ATG3: variants seen among roughly 807,000 people sequenced by gnomAD.
ATG3 encodes the protein ubiquitin-like-conjugating enzyme ATG3.
In ATG3, 25 loss-of-function variants were observed where a neutral mutation model predicts 50.7. That is an observed-to-expected ratio of 0.49 (90% CI 0.36 to 0.69). The LOEUF (loss-of-function observed/expected upper bound fraction) is 0.69. Ranked by LOEUF, ATG3 falls within the 30% of genes least tolerant of loss-of-function variation. The probability of loss-of-function intolerance (pLI) is 0.00; values close to 1 mark genes in which losing one functional copy is unlikely to be tolerated. For missense variants in ATG3, 281 were observed against 376.0 expected (o/e 0.75, Z 2.09); for synonymous variants, 119 against 125.5 (o/e 0.95, Z 0.34).
At chr3:112,548,076 G>A (rs748216544) in intron 5 of ATG3, among the ~76,000 whole-genome samples, 10 of 152,180 alleles carry the variant, frequency 6.6e-5, no homozygotes, top group East Asian at 1.9e-4. Flanking sequence ...TACTCTGGCC[G>A]GGCGCAGTGG....
chr3:112,557,217 A>C (rs977224631), intron 2 of ATG3, among the ~76,000 whole-genome samples: 1 of 151,860 alleles, frequency 6.6e-6, no homozygotes. Context: ...ACGCCCCGCT[A>C]ATTTTTTATA....
At chr3:112,550,073 A>G in intron 4 of ATG3, 119 bp downstream of exon 4, 1 of 645,914 alleles carries the variant, frequency 1.5e-6, no homozygotes, top group Non-Finnish European at 2.6e-6. Context: ...TGGCAAAAAG[A>G]AATAACAGAA....
intron 7 of ATG3, among the ~76,000 whole-genome samples, chr3:112,538,817 C>T (rs1933147902): frequency 6.6e-6 from 1 of 152,138 alleles, no homozygotes; most frequent in Admixed American, 6.6e-5. Flanking sequence ...TCCCTGCCTG[C>T]GGACTTGGAT....
chr3:112,541,368 A>G (rs1250420957), intron 7 of ATG3, among the ~76,000 whole-genome samples: 1 of 151,288 alleles, frequency 6.6e-6, no homozygotes, highest in Non-Finnish European at 1.5e-5. Flanking sequence ...GCCTGGCGAG[A>G]GTGAGACTCC....
intron 2 of ATG3, 46 bp from the exon 3 acceptor site, chr3:112,553,375 T>C (rs1559848046): frequency 1.3e-6 from 2 of 1,560,204 alleles, no homozygotes; most frequent in Admixed American, 3.3e-5. Context: ...AAAAGAAAAA[T>C]CAAACATCAC....
At chr3:112,536,275 TAAAAC>T in intron 10 of ATG3, 195 bp downstream of exon 10, 1 of 580,488 alleles carries the variant, frequency 1.7e-6, no homozygotes, top group Non-Finnish European at 2.8e-6. Flanking sequence ...ATATTAAACT[TAAAAC>T]AAATTGGTAA....
Position 112,550,246 on chromosome 3 carries a change from ATTCTTC to A in ATG3, c.175_180del (p.Glu59_Glu60del), listed in dbSNP as rs1933493165. On this transcript the variant is annotated inframe_deletion, in exon 4 of 12. Coordinates refer to ENST00000283290, the MANE Select transcript of ATG3 (RefSeq NM_022488.5). ...GTTGGTAGGTATGCCTTCACTTTCA[ATTCTTC>A]CCCTGTAGCCCTTTAAAAACAGTGA... 6.2e-7 allele frequency: 1 copy of A among 1,612,842 alleles called. No homozygotes were observed.
chr3:112,547,505 G>A (rs1933400537), intron 5 of ATG3, among the ~76,000 whole-genome samples: 1 of 152,150 alleles, frequency 6.6e-6, no homozygotes, highest in Admixed American at 6.5e-5. Flanking sequence ...TTTAAACTTA[G>A]AGCACATTTT....
intron 2 of ATG3, 69 bp downstream of exon 2, chr3:112,558,307 A>G (rs763325982): frequency 5.2e-6 from 6 of 1,150,598 alleles, no homozygotes; most frequent in Non-Finnish European, 7.5e-6. Flanking sequence ...TTTTCTTATG[A>G]AGCAGAAAAG....
chr3:112,545,636 C>T (rs926177969), intron 5 of ATG3, among the ~76,000 whole-genome samples: 2 of 152,078 alleles, frequency 1.3e-5, no homozygotes, highest in African/African-American at 2.4e-5. Flanking sequence ...TTTTAACATA[C>T]GAATTGACTG....
At chr3:112,547,852 T>G (rs1933410231) in intron 5 of ATG3, among the ~76,000 whole-genome samples, 1 of 152,212 alleles carries the variant, frequency 6.6e-6, no homozygotes, top group South Asian at 2.1e-4. Flanking sequence ...GTCAGTTCTC[T>G]GGGTAAATGT....
In ATG3 at chr3:112,541,989, C is replaced by T. The variant is rs989636222; in HGVS notation, c.394-105G>A. ...GTAACCACTGTGAAAATAAGAATGACAAGGCAGTTCTTGTCCACAAAAACC... is the reference window on the plus strand; with the variant it reads ...GTAACCACTGTGAAAATAAGAATGATAAGGCAGTTCTTGTCCACAAAAACC... On this transcript the variant is annotated intron_variant, in intron 6 of 11. Transcript: ENST00000283290. 8 of 793,232 alleles carry T rather than the reference C, an allele frequency of 1.0e-5. No individual in the cohort carries two copies. In the African/African-American group the frequency reaches 1.4e-4, roughly 14 times the overall value. The allele number at this position is 793,232 out of a possible 1,614,324, so 49.1% of individuals were successfully genotyped here.
chr3:112,534,823 A>G (rs1350490727), intron 10 of ATG3: 3 of 151,912 alleles, frequency 2.0e-5, no homozygotes, highest in African/African-American at 7.2e-5. Context: ...ACAAAAAAGC[A>G]AAGAGGTATC....
chr3:112,536,773 T>A, intron 9 of ATG3, 171 bp from the exon 10 acceptor site: 1 of 578,234 alleles, frequency 1.7e-6, no homozygotes, highest in Non-Finnish European at 2.7e-6. Context: ...TATAAAAAAT[T>A]AGCCGGGCAG....
At chr3:112,533,523 A>G in intron 11 of ATG3, 1 of 985,332 alleles carries the variant, frequency 1.0e-6, no homozygotes, top group Non-Finnish European at 1.2e-6. Context: ...GCAATGCCCC[A>G]CAGTCTGATT....
At chr3:112,550,057 T>C in intron 4 of ATG3, 135 bp downstream of exon 4, 2 of 584,874 alleles carry the variant, frequency 3.4e-6, no homozygotes, top group Non-Finnish European at 5.8e-6. Context: ...GACAACTATA[T>C]GTTTTTGGCA....
chr3:112,539,824 G>A (rs1216946622), intron 7 of ATG3, among the ~76,000 whole-genome samples: 4 of 152,082 alleles, frequency 2.6e-5, no homozygotes, highest in Admixed American at 2.6e-4. Flanking sequence ...TATCTAGGGG[G>A]AATATAATAA....
intron 7 of ATG3, 194 bp from the exon 8 acceptor site, chr3:112,538,374 A>G (rs761578432): frequency 5.6e-6 from 3 of 539,134 alleles, no homozygotes; most frequent in Non-Finnish European, 9.9e-6. Context: ...GAAAGCCAGC[A>G]TGTTTAAGGC....
In ATG3 at chr3:112,533,583, AC is replaced by A. The variant is rs978347479; in HGVS notation, c.863+685del. 32 of 985,362 alleles carry A rather than the reference AC, an allele frequency of 3.2e-5. No individual in the cohort carries two copies. In the African/African-American group the frequency reaches 5.4e-4, roughly 17 times the overall value. The allele number at this position is 985,362 out of a possible 1,614,324, so 61.0% of individuals were successfully genotyped here. On this transcript the variant is annotated intron_variant, in intron 11 of 11. Transcript: ENST00000283290. The stretch of plus-strand genomic sequence containing the variant: ...TCTAATCTAACACATAGTAGCCGAA[AC>A]CACCACCAAGTCAAGTATTAACCTA...
Sources: allele counts gnomAD v4.1 joint callset (sites outside exome capture counted in the v4.1 genomes callset), GRCh38; gene constraint gnomAD v4.1.1; transcripts MANE v1.5; gene names NCBI Gene and HGNC (gene_info 2026-07-23, HGNC 2026-07-21).